CENPN: variants seen among roughly 807,000 people sequenced by gnomAD.
The protein encoded by CENPN is centromere protein N, also known as interphase centromere complex protein 32.
CENPN carries 36 observed loss-of-function variants against 48.6 expected under a neutral mutation model. The observed-to-expected ratio is 0.74, with a 90% CI of 0.57 to 0.98. The LOEUF is 0.98. Among genes scored for constraint, CENPN ranks in the 50% least tolerant of loss-of-function variants. The probability of loss-of-function intolerance (pLI) is 0.00; values close to 1 mark genes in which losing one functional copy is unlikely to be tolerated. For missense variants in CENPN, 439 were observed against 399.2 expected (o/e 1.10, Z -0.85); for synonymous variants, 166 against 135.2 (o/e 1.23, Z -1.58).
Position 81,020,195 on chromosome 16 carries a change from C to T in CENPN, c.450C>T (p.Thr150=), listed in dbSNP as rs1273847277. 4.3e-6 allele frequency: 7 copies of T among 1,613,862 alleles called. No individual in the cohort carries two copies. The highest frequency in any genetic ancestry group is 5.1e-6 in the Non-Finnish European group (6 of 1,179,994). Residue 150 remains threonine (T), a synonymous_variant, in exon 6 of 11, where the codon ACC becomes ACT. Coordinates refer to ENST00000305850, the MANE Select transcript of CENPN (RefSeq NM_001100624.3). ...QYTKPNQYKP[T]YVVYYSQTPY... ...CAAAGCCAAACCAGTACAAACCTAC[C>T]TACGTGGTGTACTACTCCCAGACTC...
chr16:81,024,830 T>C lies in CENPN; in HGVS notation c.697+52T>C, dbSNP rs1970390753. ...ATTTTGGAAATGCATCATTCCCTTA[T>C]AGATTTCTTTCACTTGGTAAAACGT... On this transcript the variant is annotated intron_variant, in intron 8 of 10. Coordinates refer to ENST00000305850, the MANE Select transcript of CENPN (RefSeq NM_001100624.3). 5 of 1,185,240 alleles carry C rather than the reference T, an allele frequency of 4.2e-6. No homozygotes were observed. In the Admixed American group the frequency reaches 1.0e-4, roughly 24 times the overall value. 73.4% of individuals were successfully genotyped at this position (1,185,240 alleles called of 1,614,324 possible). A position where few individuals can be genotyped will look rare whatever the true frequency, so the allele number is the denominator to read the frequency against.
At chr16:81,017,230 T>G in intron 3 of CENPN, 96 bp from the exon 4 acceptor site, 2 of 808,532 alleles carry the variant, frequency 2.5e-6, no homozygotes, top group Non-Finnish European at 4.1e-6. Context: ...TGAATTACTG[T>G]TACTTTCCCC....
rs1969766713 is a variant in CENPN at position 81,012,098 on chromosome 16, C to T, written c.159C>T (p.Ile53=). 25 of 1,613,852 alleles carry T rather than the reference C, an allele frequency of 1.5e-5. No individual in the cohort carries two copies. The highest frequency in any genetic ancestry group is 2.1e-5 in the Non-Finnish European group (25 of 1,179,948). The change falls in exon 2 of 11, where the codon ATC becomes ATT. Residue 53 remains isoleucine (I), a synonymous_variant. Transcript: ENST00000305850. ...AGGAATCTGTAGTTCAGCACTTGAT[C>T]CATCTGTGTGAGGTAACAGTGTTAA... ...QRKESVVQHL[I]HLCEEKRASI... is the part of the protein sequence containing the mutation.
rs1597298512 is a variant in CENPN, at chr16:81,007,251, G to C, written c.-37G>C. 1 of 158,772 alleles carries C rather than the reference G, an allele frequency of 6.3e-6. No homozygotes were observed. Among genetic ancestry groups the C allele is most frequent in the Non-Finnish European group, 1.4e-5 (1 of 74,026 alleles). 9.8% of individuals were successfully genotyped at this position (158,772 alleles called of 1,614,324 possible). On this transcript the variant is annotated 5_prime_UTR_variant, in exon 1 of 11. Coordinates refer to ENST00000305850, the MANE Select transcript of CENPN (RefSeq NM_001100624.3). ...GCGGCGAGCGGGAACAGCTCTTGAGGAGTGAGACTGCAGGAGATGTGGGCC... is the reference window on the plus strand; with the variant it reads ...GCGGCGAGCGGGAACAGCTCTTGAGCAGTGAGACTGCAGGAGATGTGGGCC...
At chr16:81,024,433 A>G (rs1049788661) in intron 7 of CENPN, 1 of 210,266 alleles carries the variant, frequency 4.8e-6, no homozygotes, top group African/African-American at 2.3e-5. Flanking sequence ...ACGCTGAAAT[A>G]CCACAGTGCA....
At chr16:81,020,448 A>G in intron 6 of CENPN, 172 bp downstream of exon 6, 3 of 574,796 alleles carry the variant, frequency 5.2e-6, no homozygotes, top group South Asian at 3.6e-5. Context: ...GCTCGTGCCC[A>G]CGAGTCCAAG....
At chr16:81,021,452 C>A (rs1485747413) in intron 6 of CENPN, among the ~76,000 whole-genome samples, 1 of 152,172 alleles carries the variant, frequency 6.6e-6, no homozygotes. Flanking sequence ...AGCAGCTCCA[C>A]CATCCTGGCT....
At chr16:81,020,489 C>A in intron 6 of CENPN, 1 of 418,894 alleles carries the variant, frequency 2.4e-6, no homozygotes, top group South Asian at 7.0e-5. Context: ...CAAGACAAAG[C>A]AACACCCCAC....
intron 1 of CENPN, among the ~76,000 whole-genome samples, chr16:81,008,824 T>G (rs898466283): frequency 9.2e-5 from 14 of 152,230 alleles, no homozygotes; most frequent in Admixed American, 2.0e-4. Flanking sequence ...GGAGTATAGC[T>G]GTGAATAAAA....
chr16:81,020,519 A>G (rs1970137307), intron 6 of CENPN: 1 of 363,464 alleles, frequency 2.8e-6, no homozygotes, highest in African/African-American at 2.1e-5. Flanking sequence ...AACAAAAAAA[A>G]GATATAGAAT....
chr16:81,009,591 T>C (rs1449108424), intron 1 of CENPN, among the ~76,000 whole-genome samples: 3 of 152,254 alleles, frequency 2.0e-5, no homozygotes, highest in African/African-American at 7.2e-5. Flanking sequence ...GTTATTTTTC[T>C]ATTTCTAAAT....
chr16:81,022,469 T>C (rs750570587), intron 6 of CENPN, 128 bp from the exon 7 acceptor site: 89 of 764,156 alleles, frequency 1.2e-4, no homozygotes, highest in Non-Finnish European at 1.8e-4. Flanking sequence ...TCAGATGTTT[T>C]TCTAGACTTC....
intron 1 of CENPN, among the ~76,000 whole-genome samples, chr16:81,008,312 A>C (rs1969560855): frequency 6.6e-6 from 1 of 152,100 alleles, no homozygotes; most frequent in African/African-American, 2.4e-5. Context: ...CTCACAGTTT[A>C]ATTTGATAGG....
chr16:81,011,055 G>A (rs1969721890), intron 1 of CENPN, among the ~76,000 whole-genome samples: 1 of 152,200 alleles, frequency 6.6e-6, no homozygotes, highest in Non-Finnish European at 1.5e-5. Context: ...GGCCCTCCAT[G>A]ATGACTGACC....
rs182084030 is a variant in CENPN, at chr16:81,019,302, G to T, written c.355-798G>T. Among the ~76,000 whole-genome samples, 16 of 151,208 alleles carry T rather than the reference G, an allele frequency of 1.1e-4. No homozygotes were observed. In the East Asian group the frequency reaches 2.7e-3, roughly 26 times the overall value. On this transcript the variant is annotated intron_variant, in intron 5 of 10. Transcript: ENST00000305850. Reference sequence around the variant, plus strand: ...CATGATCTCGGCTCACTATAGTCTAGACCTCCCAGGCTCAAGCCATCCTCC... The same window carrying T: ...CATGATCTCGGCTCACTATAGTCTATACCTCCCAGGCTCAAGCCATCCTCC...
At chr16:81,027,626 G>A (rs955108845) in intron 9 of CENPN, among the ~76,000 whole-genome samples, 4 of 152,212 alleles carry the variant, frequency 2.6e-5, no homozygotes, top group Non-Finnish European at 5.9e-5. Context: ...CTGACAGTCA[G>A]TATCTCCCAT....
rs760335617 is a variant in CENPN, at chr16:81,029,372, T to TA, written c.*726dup. The TA allele has an allele frequency of 2.0e-5, 18 of 884,066 alleles. No homozygotes were observed. In the East Asian group the frequency reaches 1.8e-3, roughly 88 times the overall value. 54.8% of individuals were successfully genotyped at this position (884,066 alleles called of 1,614,324 possible). A position where few individuals can be genotyped will look rare whatever the true frequency, so the allele number is the denominator to read the frequency against. ...ATCATCACTAAATACCCTATCTTTT[T>TA]AAAAATTTTTTCCTTTCTAATTTTT... On this transcript the variant is annotated 3_prime_UTR_variant, in exon 11 of 11. Coordinates refer to ENST00000305850, the MANE Select transcript of CENPN (RefSeq NM_001100624.3).
At chr16:81,014,898 A>G (rs1279166784) in intron 3 of CENPN, among the ~76,000 whole-genome samples, 1 of 152,224 alleles carries the variant, frequency 6.6e-6, no homozygotes, top group Admixed American at 6.5e-5. Flanking sequence ...CACTTTCAGT[A>G]CAGCATTTAG....
intron 8 of CENPN, among the ~76,000 whole-genome samples, chr16:81,025,258 A>G (rs1970411512): frequency 6.6e-6 from 1 of 152,218 alleles, no homozygotes; most frequent in Non-Finnish European, 1.5e-5. Context: ...CTTCTAGAAC[A>G]ATGAGAATCA....
Sources: allele counts gnomAD v4.1 joint callset (sites outside exome capture counted in the v4.1 genomes callset), GRCh38; gene constraint gnomAD v4.1.1; transcripts MANE v1.5; gene names NCBI Gene and HGNC (gene_info 2026-07-23, HGNC 2026-07-21).